CDC42BPA: variants seen among roughly 807,000 people sequenced by gnomAD.
CDC42BPA encodes serine/threonine-protein kinase MRCK alpha.
CDC42BPA carries 80 observed loss-of-function variants against 223.5 expected under a neutral mutation model. The observed-to-expected ratio is 0.36, with a 90% CI of 0.30 to 0.43. The LOEUF is 0.43. Ranked by LOEUF, CDC42BPA falls within the 20% of genes least tolerant of loss-of-function variation. The pLI, the probability that CDC42BPA is intolerant of heterozygous loss-of-function variation, is 1.00. For missense variants in CDC42BPA, 1,743 were observed against 2,099.9 expected (o/e 0.83, Z 3.32); for synonymous variants, 694 against 718.6 (o/e 0.97, Z 0.55).
intron 12 of CDC42BPA, among the ~76,000 whole-genome samples, chr1:227,118,557 C>T (rs760275378): frequency 2.6e-5 from 4 of 152,036 alleles, no homozygotes; most frequent in African/African-American, 9.7e-5. Context: ...AATACTAAAA[C>T]ATTAAAAATT....
At chr1:227,034,829 C>G (rs761526598) in intron 25 of CDC42BPA, 35 bp from the exon 26 acceptor site, 3 of 1,336,634 alleles carry the variant, frequency 2.2e-6, no homozygotes, top group East Asian at 4.9e-5. Context: ...ACAGCCAAAA[C>G]AACTCAAATG....
intron 23 of CDC42BPA, among the ~76,000 whole-genome samples, chr1:227,047,484 G>A (rs937763766): frequency 1.3e-5 from 2 of 152,020 alleles, no homozygotes; most frequent in Non-Finnish European, 2.9e-5. Flanking sequence ...TTCTTTGTGG[G>A]AGCTTGAGAC....
At chr1:227,198,996 C>T (rs1052402523) in intron 4 of CDC42BPA, among the ~76,000 whole-genome samples, 6 of 152,180 alleles carry the variant, frequency 3.9e-5, no homozygotes, top group African/African-American at 1.2e-4. Context: ...GATCCTCCCG[C>T]CTTGGCCTCC....
intron 10 of CDC42BPA, among the ~76,000 whole-genome samples, chr1:227,131,062 C>G (rs1656998678): frequency 6.6e-6 from 1 of 152,114 alleles, no homozygotes; most frequent in Non-Finnish European, 1.5e-5. Context: ...CTATCTTACT[C>G]TTTTTTAAAT....
chr1:227,055,655 T>C (rs1192389788), intron 21 of CDC42BPA, among the ~76,000 whole-genome samples: 3 of 152,116 alleles, frequency 2.0e-5, no homozygotes, highest in Non-Finnish European at 4.4e-5. Flanking sequence ...ATTCTTTTTG[T>C]CATTTTTTAT....
chr1:227,098,919 T>C (rs924486627), intron 15 of CDC42BPA, among the ~76,000 whole-genome samples: 7 of 152,228 alleles, frequency 4.6e-5, no homozygotes, highest in Middle Eastern at 3.4e-3. Context: ...TGATCAACTA[T>C]GGACTGCCAT....
intron 10 of CDC42BPA, among the ~76,000 whole-genome samples, chr1:227,133,333 G>A (rs1657729724): frequency 6.6e-6 from 1 of 151,430 alleles, no homozygotes; most frequent in Admixed American, 6.6e-5. Context: ...CAGTCCGGGA[G>A]GAGGTGGGGG....
intron 1 of CDC42BPA, among the ~76,000 whole-genome samples, chr1:227,313,100 G>A (rs1017834061): frequency 1.2e-4 from 18 of 152,034 alleles, no homozygotes; most frequent in Admixed American, 1.1e-3. Flanking sequence ...AATAAAAAGA[G>A]TAATGTTCCT....
At chr1:227,002,409 A>C (rs1663050238) in intron 35 of CDC42BPA, among the ~76,000 whole-genome samples, 1 of 152,218 alleles carries the variant, frequency 6.6e-6, no homozygotes, top group African/African-American at 2.4e-5. Flanking sequence ...ATGTTAGGAG[A>C]TAATGGCAAG....
rs139591507 is a variant in CDC42BPA, at chr1:227,164,496, T to C, written c.600-3860A>G. Among the ~76,000 whole-genome samples the C allele has an allele frequency of 2.6e-5, 4 of 152,156 alleles. No individual in the cohort carries two copies. The East Asian group carries it at 5.8e-4, about 22-fold the overall frequency. ...CTATAGGCAACATAGTGAGACTCTG[T>C]CTCTATAAAAAAAAATATTAAATCT... On this transcript the variant is annotated intron_variant, in intron 5 of 36. Coordinates refer to ENST00000366766, the MANE Select transcript of CDC42BPA (RefSeq NM_001394014.1).
intron 3 of CDC42BPA, among the ~76,000 whole-genome samples, chr1:227,202,184 G>A (rs1276749196): frequency 6.6e-6 from 1 of 152,070 alleles, no homozygotes; most frequent in Non-Finnish European, 1.5e-5. Context: ...GGGTTTCACT[G>A]CGTTAGCCAG....
At chr1:227,029,510 A>C (rs1443530849) in intron 29 of CDC42BPA, among the ~76,000 whole-genome samples, 1 of 152,216 alleles carries the variant, frequency 6.6e-6, no homozygotes, top group Non-Finnish European at 1.5e-5. Context: ...CCAAATCTTC[A>C]AGGAAACTTT....
intron 12 of CDC42BPA, 65 bp from the exon 13 acceptor site, chr1:227,112,978 A>C: frequency 1.3e-6 from 2 of 1,529,238 alleles, no homozygotes; most frequent in South Asian, 2.4e-5. Flanking sequence ...TTTGGCCATC[A>C]GAATAGCTAT....
chr1:227,224,120 T>C (rs889109205), intron 2 of CDC42BPA, among the ~76,000 whole-genome samples: 2 of 152,250 alleles, frequency 1.3e-5, no homozygotes, highest in Non-Finnish European at 2.9e-5. Context: ...ATTTATTTTA[T>C]GAAGTTTTTG....
At chr1:227,009,715 G>A (rs1371612956) in intron 34 of CDC42BPA, among the ~76,000 whole-genome samples, 7 of 152,052 alleles carry the variant, frequency 4.6e-5, no homozygotes, top group African/African-American at 1.7e-4. Flanking sequence ...CATGCCCAGT[G>A]AAAAGTTCCT....
chr1:227,179,754 A>C (rs1667627348), intron 5 of CDC42BPA, among the ~76,000 whole-genome samples: 1 of 140,264 alleles, frequency 7.1e-6, no homozygotes, highest in Non-Finnish European at 1.5e-5. Flanking sequence ...AAAGGTAGAC[A>C]TCTTTCCTCC....
rs754134545 is a variant in CDC42BPA at position 227,026,166 on chromosome 1, AG to A, written c.4433-15del. 2.7e-5 allele frequency: 38 copies of A among 1,419,386 alleles called. No individual in the cohort carries two copies. The highest frequency in any genetic ancestry group is 7.6e-5 in the Admixed American group (4 of 52,312). The allele number at this position is 1,419,386 out of a possible 1,614,324, so 87.9% of individuals were successfully genotyped here. A position where few individuals can be genotyped will look rare whatever the true frequency, so the allele number is the denominator to read the frequency against. On this transcript the variant is annotated splice_polypyrimidine_tract_variant and intron_variant, in intron 30 of 36. Transcript: ENST00000366766. Reference sequence around the variant, plus strand: ...GTGCATTGTAACCTGGGAGAAGGGAAGGGGGGGCAGCTTGCGGATTACTTTT... The same window carrying A: ...GTGCATTGTAACCTGGGAGAAGGGAAGGGGGGCAGCTTGCGGATTACTTTT...
At chr1:227,190,796 T>G (rs1275479421) in intron 5 of CDC42BPA, among the ~76,000 whole-genome samples, 1 of 151,996 alleles carries the variant, frequency 6.6e-6, no homozygotes, top group Non-Finnish European at 1.5e-5. Flanking sequence ...AAGGAGCACA[T>G]TAACACAATG....
In CDC42BPA at chr1:227,263,394, A is replaced by T. The variant is rs573265933; in HGVS notation, c.179-9239T>A. ...AATTTATTTCAGCCAAGGTTCTCTT[A>T]AATCTTCGTTATTTGTGTGTAACTC... On this transcript the variant is annotated intron_variant, in intron 1 of 36. Coordinates refer to ENST00000366766, the MANE Select transcript of CDC42BPA (RefSeq NM_001394014.1). 5.9e-5 allele frequency among the ~76,000 whole-genome samples: 9 copies of T among 152,326 alleles called. No homozygotes were observed. The South Asian group carries it at 1.9e-3, about 32-fold the overall frequency.
Sources: allele counts gnomAD v4.1 joint callset (sites outside exome capture counted in the v4.1 genomes callset), GRCh38; gene constraint gnomAD v4.1.1; transcripts MANE v1.5; gene names NCBI Gene and HGNC (gene_info 2026-07-23, HGNC 2026-07-21).